MDGA2: variants seen among roughly 807,000 people sequenced by gnomAD.
The protein encoded by MDGA2 is MAM domain-containing glycosylphosphatidylinositol anchor protein 2.
Under a neutral mutation model 117.8 loss-of-function variants are expected in MDGA2, and 40 were observed. The observed-to-expected ratio is 0.34, with a 90% CI of 0.26 to 0.44. The LOEUF is 0.44. MDGA2 is among the 20% of genes least tolerant of loss of function. The pLI is 1.00. For missense variants in MDGA2, 1,123 were observed against 1,250.6 expected, an observed-to-expected ratio of 0.90 and a Z score of 1.54; for synonymous variants, 452 against 439.0, an observed-to-expected ratio of 1.03 and a Z score of -0.37.
intron 8 of MDGA2, among the ~76,000 whole-genome samples, chr14:47,015,606 C>T (rs1888056455): frequency 6.6e-6 from 1 of 151,860 alleles, no homozygotes; most frequent in Non-Finnish European, 1.5e-5. Context: ...TTAAGTTGTG[C>T]CAATAATCCA....
intron 1 of MDGA2, among the ~76,000 whole-genome samples, chr14:47,461,265 A>AGTATGTGTGTG (rs1555324396): frequency 7.5e-5 from 1 of 13,272 alleles, no homozygotes; most frequent in Non-Finnish European, 3.0e-4. Context: ...AGTTAAAAAA[A>AGTATGTGTGTG]TGTATGTGTG....
intron 3 of MDGA2, among the ~76,000 whole-genome samples, chr14:47,170,902 G>C (rs935522104): frequency 6.6e-6 from 1 of 152,050 alleles, no homozygotes; most frequent in Non-Finnish European, 1.5e-5. Context: ...AAAAGGATGT[G>C]ATTTTTTAAT....
intron 2 of MDGA2, among the ~76,000 whole-genome samples, chr14:47,297,116 C>A (rs1398532330): frequency 1.3e-5 from 2 of 152,110 alleles, no homozygotes; most frequent in Non-Finnish European, 2.9e-5. Flanking sequence ...GTTTTGGACA[C>A]ATGGCCAAGT....
intron 3 of MDGA2, among the ~76,000 whole-genome samples, chr14:47,182,536 G>C (rs1395790652): frequency 6.6e-6 from 1 of 152,106 alleles, no homozygotes; most frequent in Non-Finnish European, 1.5e-5. Flanking sequence ...ACCAGGAAGA[G>C]AGGTTCACTG....
chr14:47,587,322 A>AT (rs1566528253), intron 1 of MDGA2, among the ~76,000 whole-genome samples: 4 of 151,838 alleles, frequency 2.6e-5, no homozygotes, highest in African/African-American at 9.7e-5. Context: ...AACCTGAGAT[A>AT]TTTTTGGAAT....
chr14:46,860,980 G>GT (rs1342003617), intron 14 of MDGA2, among the ~76,000 whole-genome samples: 1 of 151,776 alleles, frequency 6.6e-6, no homozygotes, highest in African/African-American at 2.4e-5. Flanking sequence ...AGAACCTCAT[G>GT]TTTTTCCTCT....
intron 8 of MDGA2, among the ~76,000 whole-genome samples, chr14:47,008,836 A>T (rs960231560): frequency 1.3e-5 from 2 of 151,986 alleles, no homozygotes; most frequent in Non-Finnish European, 2.9e-5. Flanking sequence ...AATAATATTT[A>T]TGCTATTTAA....
chr14:46,949,738 T>A (rs571129806), intron 9 of MDGA2, among the ~76,000 whole-genome samples: 3 of 152,152 alleles, frequency 2.0e-5, no homozygotes, highest in South Asian at 2.1e-4. Context: ...CCACATTTTT[T>A]AATTAAGTCA....
At chr14:46,938,078 A>G (rs1283018500) in intron 9 of MDGA2, among the ~76,000 whole-genome samples, 1 of 152,244 alleles carries the variant, frequency 6.6e-6, no homozygotes, top group Non-Finnish European at 1.5e-5. Context: ...TCCAGAAAAT[A>G]CAATGATCTC....
chr14:47,537,752 T>C (rs1895254440), intron 1 of MDGA2, among the ~76,000 whole-genome samples: 1 of 152,128 alleles, frequency 6.6e-6, no homozygotes, highest in East Asian at 1.9e-4. Flanking sequence ...TGCAAAAGAA[T>C]TGTGGTTTAA....
At chr14:47,120,287 A>G (rs1482449029) in intron 5 of MDGA2, among the ~76,000 whole-genome samples, 1 of 152,164 alleles carries the variant, frequency 6.6e-6, no homozygotes, top group Non-Finnish European at 1.5e-5. Context: ...TCCCCAGAAC[A>G]TGAGGGCAAG....
chr14:46,866,114 A>T (rs1379178129), intron 14 of MDGA2, among the ~76,000 whole-genome samples: 2 of 152,036 alleles, frequency 1.3e-5, no homozygotes, highest in African/African-American at 2.4e-5. Context: ...ACAAAGCTGG[A>T]GGCATCACAC....
chr14:47,648,441 A>G (rs1897576926), intron 1 of MDGA2, among the ~76,000 whole-genome samples: 1 of 152,148 alleles, frequency 6.6e-6, no homozygotes, highest in Non-Finnish European at 1.5e-5. Flanking sequence ...CCATTTTTAT[A>G]GTTCTTTGAG....
intron 1 of MDGA2, among the ~76,000 whole-genome samples, chr14:47,617,455 C>T (rs574088175): frequency 5.3e-5 from 8 of 152,228 alleles, no homozygotes; most frequent in Admixed American, 3.3e-4. Flanking sequence ...CCACCCACCT[C>T]GGCCTCCCAA....
chr14:47,356,620 A>G (rs574158487), intron 1 of MDGA2, among the ~76,000 whole-genome samples: 1 of 152,262 alleles, frequency 6.6e-6, no homozygotes, highest in African/African-American at 2.4e-5. Flanking sequence ...AACCTATCTC[A>G]GCATAAAGGG....
chr14:47,442,445 G>T (rs1160401449), intron 1 of MDGA2, among the ~76,000 whole-genome samples: 1 of 152,094 alleles, frequency 6.6e-6, no homozygotes, highest in Admixed American at 6.6e-5. Context: ...CACATGACCT[G>T]GTCAGGGACT....
At chr14:47,080,052 C>T (rs1261852509) in intron 6 of MDGA2, among the ~76,000 whole-genome samples, 7 of 152,198 alleles carry the variant, frequency 4.6e-5, no homozygotes. Flanking sequence ...TTTCTATTTG[C>T]AGTCCACCTG....
chr14:47,177,822 A>G (rs1033944207), intron 3 of MDGA2, among the ~76,000 whole-genome samples: 19 of 152,264 alleles, frequency 1.2e-4, no homozygotes, highest in African/African-American at 4.6e-4. Flanking sequence ...AAAATTAAAA[A>G]GAAGAAATTT....
At chr14:47,430,915 G>A (rs1017301706) in intron 1 of MDGA2, among the ~76,000 whole-genome samples, 1 of 152,012 alleles carries the variant, frequency 6.6e-6, no homozygotes, top group Non-Finnish European at 1.5e-5. Context: ...ATCTTATATG[G>A]TTATTTTGAA....
Sources: allele counts gnomAD v4.1 joint callset (sites outside exome capture counted in the v4.1 genomes callset), GRCh38; gene constraint gnomAD v4.1.1; transcripts MANE v1.5; gene names NCBI Gene and HGNC (gene_info 2026-07-23, HGNC 2026-07-21).